TREM1: variants seen among roughly 807,000 people sequenced by gnomAD.
TREM1 encodes triggering receptor expressed on myeloid cells 1.
In TREM1, 16 loss-of-function variants were observed where a neutral mutation model predicts 22.4. The observed-to-expected ratio is 0.71, with a 90% CI of 0.48 to 1.08. The LOEUF is 1.08. Ranked by LOEUF, TREM1 falls within the 50% of genes least tolerant of loss-of-function variation. The pLI, the probability that TREM1 is intolerant of heterozygous loss-of-function variation, is 0.00. For synonymous variants in TREM1, 110 were observed against 111.6 expected, an observed-to-expected ratio of 0.99 and a Z score of 0.09; for missense variants, 283 against 282.9, an observed-to-expected ratio of 1.00 and a Z score of 0.00.
At chr6:41,271,661 C>T (rs190301987), downstream of TREM1, among the ~76,000 whole-genome samples, 51 of 152,192 alleles carry the variant, frequency 3.4e-4, 1 homozygote, top group Non-Finnish European at 3.1e-4. Context: ...GCTGAATCCA[C>T]CTAATTCTCT....
chr6:41,270,973 T>A (rs908690632), downstream of TREM1, among the ~76,000 whole-genome samples: 2 of 152,160 alleles, frequency 1.3e-5, no homozygotes, highest in African/African-American at 4.8e-5. Flanking sequence ...CCCAAAGTGT[T>A]GGGATTACAG....
rs892848715 is a variant in TREM1, at chr6:41,274,166, G to A, written c.*1959C>T. On this transcript the variant is annotated 3_prime_UTR_variant, in exon 4 of 4. Transcript: ENST00000244709. ...CTGGACCATGCAGTGGGTTATGTCT[G>A]GATGAATCTGTATGAATGTGTCATG... Among the ~76,000 whole-genome samples the A allele has an allele frequency of 8.5e-5, 13 of 152,202 alleles. No individual in the cohort carries two copies. Among genetic ancestry groups the A allele is most frequent in the Admixed American group, 2.6e-4 (4 of 15,278 alleles).
In TREM1 at chr6:41,282,438, C is replaced by T. The variant is rs545313495; in HGVS notation, c.363G>A (p.Glu121=). Residue 121 remains glutamate (E), a synonymous_variant, in exon 2 of 4, where the codon GAG becomes GAA. Coordinates refer to ENST00000244709, the MANE Select transcript of TREM1 (RefSeq NM_018643.5). ...GGATGCGATCGAACAGCATGTGAGG[C>T]TCCTTGGGAGGCTGGTAGATCACAC... is the stretch of plus-strand genomic sequence containing the variant. ...YQCVIYQPPK[E]PHMLFDRIRL... The T allele has an allele frequency of 1.9e-6, 3 of 1,613,902 alleles. No individual in the cohort carries two copies. The Admixed American group carries it at 5.0e-5, about 27-fold the overall frequency.
At chr6:41,281,432 G>A in intron 2 of TREM1, 1 of 420,074 alleles carries the variant, frequency 2.4e-6, no homozygotes, top group Non-Finnish European at 4.3e-6. Context: ...CAGAAAGAGA[G>A]AAGAAGAAAG....
In TREM1 at chr6:41,274,417, G is replaced by C. The variant is rs930680392; in HGVS notation, c.*1708C>G. Among the ~76,000 whole-genome samples, 1 of 152,032 alleles carries C rather than the reference G, an allele frequency of 6.6e-6. No homozygotes were observed. Among genetic ancestry groups the C allele is most frequent in the Non-Finnish European group, 1.5e-5 (1 of 68,026 alleles). On this transcript the variant is annotated 3_prime_UTR_variant, in exon 4 of 4. Coordinates refer to ENST00000244709, the MANE Select transcript of TREM1 (RefSeq NM_018643.5). Reference sequence around the variant, plus strand: ...TTTAATGATAATACCCCCTTGCCCTGGTCACTTTGTCAACTTCATAAACAG... The same window carrying C: ...TTTAATGATAATACCCCCTTGCCCTCGTCACTTTGTCAACTTCATAAACAG...
downstream of TREM1, among the ~76,000 whole-genome samples, chr6:41,269,472 C>T (rs1767418875): frequency 6.6e-6 from 1 of 152,202 alleles, no homozygotes; most frequent in Admixed American, 6.5e-5. Context: ...TAGTGAATAA[C>T]TTAATCTCTT....
chr6:41,277,807 C>G (rs1464600276), intron 3 of TREM1, among the ~76,000 whole-genome samples: 1 of 152,114 alleles, frequency 6.6e-6, no homozygotes, highest in Non-Finnish European at 1.5e-5. Context: ...TGTGAGATAC[C>G]CCTTGGTTAT....
intron 3 of TREM1, among the ~76,000 whole-genome samples, chr6:41,268,409 A>G (rs1270585708): frequency 1.3e-5 from 2 of 152,146 alleles, no homozygotes; most frequent in Non-Finnish European, 2.9e-5. Flanking sequence ...TTTCTCAACC[A>G]TTTCTCTTGT....
Position 41,281,105 on chromosome 6 carries a change from T to G in TREM1, c.455A>C (p.Tyr152Ser). ...GSNENSTQNV[Y>S]KIPPTTTKAL... is the part of the protein sequence containing the mutation. ...CTTAGTGGTGGTAGGAGGAATCTTA[T>G]ACACATTCTGGGTAGAATTCTCATT... The change falls in exon 3 of 4, where the codon TAT (tyrosine) becomes TCT (serine). Residue 152 changes from tyrosine to serine, a missense_variant. Transcript: ENST00000244709. 6.2e-7 allele frequency: 1 copy of G among 1,614,192 alleles called. No homozygotes were observed. Among genetic ancestry groups the G allele is most frequent in the Non-Finnish European group, 8.5e-7 (1 of 1,180,032 alleles).
intron 1 of TREM1, 53 bp from the exon 2 acceptor site, chr6:41,282,804 GAGTGGGGAAAAAGGAGAGGAGCC>G: frequency 6.7e-7 from 1 of 1,488,426 alleles, no homozygotes; most frequent in Non-Finnish European, 9.1e-7. Flanking sequence ...TTCTCTCTCT[GAGTGGGGAAAAAGGAGAGGAGCC>G]CCCTGTTTTT....
At chr6:41,270,551 C>T (rs371544971), downstream of TREM1, among the ~76,000 whole-genome samples, 2 of 151,242 alleles carry the variant, frequency 1.3e-5, no homozygotes, top group Non-Finnish European at 2.9e-5. Flanking sequence ...TTTGAATCTA[C>T]GTGATGAGTT....
rs1466746649 is a variant in TREM1 at position 41,273,613 on chromosome 6, A to T, written c.*2512T>A. On this transcript the variant is annotated 3_prime_UTR_variant, in exon 4 of 4. Transcript: ENST00000244709. ...CACCGCTGGCTCATTGAAACTGGGTAATTGAGGAGCATTTAATAAACATGT... is the reference window on the plus strand; with the variant it reads ...CACCGCTGGCTCATTGAAACTGGGTTATTGAGGAGCATTTAATAAACATGT... 6.6e-6 allele frequency among the ~76,000 whole-genome samples: 1 copy of T among 152,208 alleles called. No homozygotes were observed. The highest frequency in any genetic ancestry group is 1.5e-5 in the Non-Finnish European group (1 of 68,032).
At chr6:41,277,912 T>C (rs78497190) in intron 3 of TREM1, among the ~76,000 whole-genome samples, 1 of 147,488 alleles carries the variant, frequency 6.8e-6, no homozygotes, top group Non-Finnish European at 1.5e-5. Flanking sequence ...TTTGTCTTTT[T>C]TTTTTTTTTT....
At chr6:41,280,623 C>A (rs1015069774) in intron 3 of TREM1, 90 of 1,342,754 alleles carry the variant, frequency 6.7e-5, no homozygotes, top group Non-Finnish European at 8.3e-5. Flanking sequence ...GATCCAGGGC[C>A]CCTCACTCAG....
downstream of TREM1, among the ~76,000 whole-genome samples, chr6:41,272,094 T>C (rs901359490): frequency 6.6e-6 from 1 of 152,114 alleles, no homozygotes; most frequent in African/African-American, 2.4e-5. Flanking sequence ...CGAGGCTGGG[T>C]GGCTACTTTA....
chr6:41,270,775 A>G (rs114857394), downstream of TREM1, among the ~76,000 whole-genome samples: 1 of 152,220 alleles, frequency 6.6e-6, no homozygotes, highest in Non-Finnish European at 1.5e-5. Flanking sequence ...CAGTGGTGCA[A>G]TCACTGCAGT....
downstream of TREM1, among the ~76,000 whole-genome samples, chr6:41,269,403 T>C (rs1266212005): frequency 6.6e-6 from 1 of 152,240 alleles, no homozygotes; most frequent in Non-Finnish European, 1.5e-5. Context: ...TCACCAGGTA[T>C]GATGAAATCA....
chr6:41,271,716 G>A (rs373408147), downstream of TREM1, among the ~76,000 whole-genome samples: 34 of 152,190 alleles, frequency 2.2e-4, no homozygotes, highest in African/African-American at 7.2e-4. Flanking sequence ...CTGTTTCATC[G>A]CCCAGTCCCT....
chr6:41,280,365 C>T (rs952253592), intron 3 of TREM1: 5 of 987,460 alleles, frequency 5.1e-6, no homozygotes, highest in Non-Finnish European at 2.4e-6. Flanking sequence ...TGAGAGGGAC[C>T]TCATCTGCAA....
Sources: gnomAD v4.1 joint callset for allele counts (sites outside exome capture counted in the v4.1 genomes callset) on GRCh38, gnomAD v4.1.1 for gene constraint, MANE v1.5 for transcripts, NCBI Gene and HGNC (gene_info 2026-07-23, HGNC 2026-07-21) for gene names.